WASF1: variants seen among roughly 807,000 people sequenced by gnomAD.
WASF1 encodes WASP family member 1.
In WASF1, 7 loss-of-function variants were observed where a neutral mutation model predicts 50.5. The observed-to-expected ratio is 0.14, with a 90% confidence interval of 0.08 to 0.26. WASF1 has a LOEUF of 0.26. Among genes scored for constraint, WASF1 ranks in the 10% least tolerant of loss-of-function variants. WASF1 has a pLI of 1.00. For synonymous variants in WASF1, 205 were observed against 244.0 expected, an observed-to-expected ratio of 0.84 and a Z score of 1.49; for missense variants, 470 against 694.7, an observed-to-expected ratio of 0.68 and a Z score of 3.64.
At chr6:110,151,805 T>C (rs937854982) in intron 3 of WASF1, among the ~76,000 whole-genome samples, 1 of 152,156 alleles carries the variant, frequency 6.6e-6, no homozygotes, top group East Asian at 1.9e-4. Flanking sequence ...GGTAAGTATA[T>C]TATTATCTTA....
At chr6:110,130,583 C>G (rs768512943) in intron 3 of WASF1, among the ~76,000 whole-genome samples, 13 of 152,156 alleles carry the variant, frequency 8.5e-5, no homozygotes, top group Non-Finnish European at 1.3e-4. Flanking sequence ...TAATAGTCCA[C>G]TATATGACAA....
At chr6:110,131,875 C>A (rs888107408) in intron 3 of WASF1, among the ~76,000 whole-genome samples, 3 of 152,122 alleles carry the variant, frequency 2.0e-5, no homozygotes, top group Non-Finnish European at 4.4e-5. Context: ...TTATTCTTGA[C>A]CCTGTGTATT....
chr6:110,143,852 A>G (rs1212971755), intron 3 of WASF1, among the ~76,000 whole-genome samples: 1 of 152,218 alleles, frequency 6.6e-6, no homozygotes, highest in Non-Finnish European at 1.5e-5. Context: ...TCATAGAAAT[A>G]TAATTTTCAT....
chr6:110,171,619 G>A (rs1324209536), intron 2 of WASF1, among the ~76,000 whole-genome samples: 2 of 152,054 alleles, frequency 1.3e-5, no homozygotes, highest in Non-Finnish European at 1.5e-5. Flanking sequence ...ACACGGGCAT[G>A]GGCAAGGACT....
chr6:110,106,213 G>C (rs1358904491), intron 7 of WASF1, among the ~76,000 whole-genome samples: 3 of 152,204 alleles, frequency 2.0e-5, no homozygotes, highest in Non-Finnish European at 4.4e-5. Flanking sequence ...GTGTAAGATG[G>C]GGCATGAGGT....
chr6:110,178,150 T>C (rs1356456535), intron 2 of WASF1, among the ~76,000 whole-genome samples: 1 of 152,130 alleles, frequency 6.6e-6, no homozygotes, highest in Non-Finnish European at 1.5e-5. Flanking sequence ...ATCTTAAATA[T>C]TAAATCCTTC....
At chr6:110,174,578 C>A (rs1470115876) in intron 2 of WASF1, among the ~76,000 whole-genome samples, 1 of 152,174 alleles carries the variant, frequency 6.6e-6, no homozygotes, top group Non-Finnish European at 1.5e-5. Flanking sequence ...TGGGCTTCCG[C>A]TAGGCAGAAC....
intron 5 of WASF1, among the ~76,000 whole-genome samples, chr6:110,111,932 A>T (rs1390991048): frequency 6.6e-6 from 1 of 152,046 alleles, no homozygotes; most frequent in Non-Finnish European, 1.5e-5. Flanking sequence ...TGCAAGGTAT[A>T]CGTAGGTTGT....
chr6:110,108,423 CTG>C lies in WASF1; in HGVS notation c.422+103_422+104del, dbSNP rs1773420326. The C allele has an allele frequency of 4.0e-5, 47 of 1,164,352 alleles. No homozygotes were observed. In the East Asian group the frequency reaches 1.1e-3, roughly 28 times the overall value. 72.1% of individuals were successfully genotyped at this position (1,164,352 alleles called of 1,614,324 possible). A position where few individuals can be genotyped will look rare whatever the true frequency, so the allele number is the denominator to read the frequency against. On this transcript the variant is annotated intron_variant, in intron 6 of 10. Transcript: ENST00000392589. ...AAAGGTGGTGGACAGAGAGGGCTCT[CTG>C]TGTTGGCTAGAACCCCAATGAAATA...
intron 1 of WASF1, among the ~76,000 whole-genome samples, chr6:110,179,060 C>T (rs994229041): frequency 6.6e-6 from 1 of 152,244 alleles, no homozygotes; most frequent in African/African-American, 2.4e-5. Context: ...GATTCTCTGT[C>T]GCCCGGGGCT....
intron 7 of WASF1, among the ~76,000 whole-genome samples, 180 bp from the exon 8 acceptor site, chr6:110,105,759 G>A (rs150102623): frequency 2.6e-5 from 4 of 152,324 alleles, no homozygotes; most frequent in Non-Finnish European, 2.9e-5. Context: ...CCAGTCTGCT[G>A]TAATCCCAGT....
At chr6:110,129,340 T>C (rs1774557922) in intron 3 of WASF1, among the ~76,000 whole-genome samples, 1 of 151,976 alleles carries the variant, frequency 6.6e-6, no homozygotes, top group South Asian at 2.1e-4. Flanking sequence ...ACACTGGAAA[T>C]GAAATTCAAA....
chr6:110,163,155 C>G (rs899459379), intron 2 of WASF1, among the ~76,000 whole-genome samples: 1 of 151,428 alleles, frequency 6.6e-6, no homozygotes, highest in Admixed American at 6.6e-5. Flanking sequence ...ATGAAATAAG[C>G]ATAAATCTCA....
rs957163949 is a variant in WASF1 at position 110,154,535 on chromosome 6, T to C, written c.-29+6100A>G. 8.6e-5 allele frequency among the ~76,000 whole-genome samples: 13 copies of C among 152,042 alleles called. 1 individual carries two copies. Among genetic ancestry groups the C allele is most frequent in the African/African-American group, 3.1e-4 (13 of 41,422 alleles). ...CCACAAAATTTCACTTGATTGAATT[T>C]CCATACAGAAGCAATGGGCATAAAA... On this transcript the variant is annotated intron_variant, in intron 3 of 10. Coordinates refer to ENST00000392589, the MANE Select transcript of WASF1 (RefSeq NM_003931.3).
At chr6:110,177,060 T>C (rs1443811190) in intron 2 of WASF1, 1 of 151,996 alleles carries the variant, frequency 6.6e-6, no homozygotes, top group Non-Finnish European at 1.5e-5. Context: ...AAATGTATAA[T>C]TAAATATAGT....
At chr6:110,146,993 G>C (rs1443064450) in intron 3 of WASF1, among the ~76,000 whole-genome samples, 1 of 151,878 alleles carries the variant, frequency 6.6e-6, no homozygotes, top group Non-Finnish European at 1.5e-5. Flanking sequence ...CTGGCTCTTG[G>C]TTTAAAAAAA....
intron 3 of WASF1, among the ~76,000 whole-genome samples, chr6:110,150,178 G>C (rs1775761302): frequency 6.6e-6 from 1 of 151,988 alleles, no homozygotes; most frequent in African/African-American, 2.4e-5. Flanking sequence ...TACATATTAT[G>C]GTTAAAATAT....
At chr6:110,126,118 A>C (rs1163473497) in intron 4 of WASF1, among the ~76,000 whole-genome samples, 2 of 152,198 alleles carry the variant, frequency 1.3e-5, no homozygotes, top group South Asian at 2.1e-4. Flanking sequence ...ATGCTTATAT[A>C]CTTATGTATG....
At chr6:110,121,785 A>G (rs1018656700) in intron 4 of WASF1, among the ~76,000 whole-genome samples, 4 of 152,268 alleles carry the variant, frequency 2.6e-5, no homozygotes, top group African/African-American at 9.6e-5. Flanking sequence ...GAACCAACCC[A>G]AATGTCCATC....
Sources: gnomAD v4.1 joint callset for allele counts (sites outside exome capture counted in the v4.1 genomes callset) on GRCh38, gnomAD v4.1.1 for gene constraint, MANE v1.5 for transcripts, NCBI Gene and HGNC (gene_info 2026-07-23, HGNC 2026-07-21) for gene names.